The following SUMF1 variants were observed in gnomAD, a reference collection of about 807,000 sequenced individuals.
The protein encoded by SUMF1 is sulfatase modifying factor 1.
In SUMF1, 48 loss-of-function variants were observed where a neutral mutation model predicts 47.6. The observed-to-expected ratio is 1.01, with a 90% CI of 0.80 to 1.28. The LOEUF (loss-of-function observed/expected upper bound fraction) is 1.28, where lower values mean the gene tolerates loss of function less well. Among genes scored for constraint, SUMF1 ranks in the 50% most tolerant of loss-of-function variants. SUMF1 has a pLI of 0.00. For missense variants in SUMF1, 571 were observed against 485.4 expected, an observed-to-expected ratio of 1.18 and a Z score of -1.66; for synonymous variants, 230 against 192.1, an observed-to-expected ratio of 1.20 and a Z score of -1.63.
At position 4,417,409 on chromosome 3, in the gene SUMF1, T is replaced by C. The variant is rs564253162; in HGVS notation, c.726-167A>G. Among the ~76,000 whole-genome samples, 7 of 152,304 alleles carry C rather than the reference T, an allele frequency of 4.6e-5. No homozygotes were observed. In the South Asian group the frequency reaches 1.0e-3, roughly 23 times the overall value. ...GCTTTTAATCAGGATTTATTTTCAA[T>C]TTCCTTATAACTTCTCATGTCACGT... On this transcript the variant is annotated intron_variant, in intron 5 of 8. Coordinates refer to ENST00000272902, the MANE Select transcript of SUMF1 (RefSeq NM_182760.4).
At chr3:4,257,372 A>G (rs1696979378) in intron 8 of SUMF1, among the ~76,000 whole-genome samples, 1 of 143,908 alleles carries the variant, frequency 6.9e-6, no homozygotes, top group Non-Finnish European at 1.5e-5. Flanking sequence ...CCATTGTCTC[A>G]GCCCAAAATC....
chr3:4,173,883 T>TG (rs1694894593), intron 8 of SUMF1, among the ~76,000 whole-genome samples: 1 of 151,488 alleles, frequency 6.6e-6, no homozygotes, highest in African/African-American at 2.4e-5. Context: ...CTGTCGGAGG[T>TG]GGGGTGCTAG....
intron 8 of SUMF1, among the ~76,000 whole-genome samples, chr3:4,338,521 T>C (rs1248552931): frequency 2.6e-5 from 4 of 152,170 alleles, no homozygotes; most frequent in Non-Finnish European, 5.9e-5. Flanking sequence ...AAGAATCTAG[T>C]ACATGCTAAG....
chr3:4,286,251 G>C (rs906231190), intron 8 of SUMF1, among the ~76,000 whole-genome samples: 1 of 151,800 alleles, frequency 6.6e-6, no homozygotes, highest in African/African-American at 2.4e-5. Flanking sequence ...CAAATTATCA[G>C]AATAAAAATA....
chr3:4,387,918 T>C (rs1050800873), intron 7 of SUMF1, among the ~76,000 whole-genome samples: 16 of 152,108 alleles, frequency 1.1e-4, no homozygotes, highest in African/African-American at 3.9e-4. Flanking sequence ...TTTGATTCTA[T>C]TGTGGTTGGA....
intron 8 of SUMF1, chr3:4,303,534 C>T: frequency 2.2e-6 from 3 of 1,370,692 alleles, no homozygotes; most frequent in East Asian, 3.1e-5. Flanking sequence ...CAGGTAGGGG[C>T]GGGGCCAGGC....
intron 3 of SUMF1, among the ~76,000 whole-genome samples, chr3:4,425,840 G>A (rs78434109): frequency 0.12 from 18,483 of 152,214 alleles, 1,380 homozygotes; most frequent in South Asian, 0.17. Context: ...CAATCATGGC[G>A]TGGTGGAAGG....
At chr3:4,152,434 C>G (rs1170679729) in intron 8 of SUMF1, among the ~76,000 whole-genome samples, 2 of 151,170 alleles carry the variant, frequency 1.3e-5, no homozygotes, top group Non-Finnish European at 2.9e-5. Context: ...ACTACAGGCA[C>G]AGGCCCCAAC....
chr3:4,254,632 G>C (rs1209057642), intron 8 of SUMF1, among the ~76,000 whole-genome samples: 2 of 129,804 alleles, frequency 1.5e-5, no homozygotes, highest in African/African-American at 5.4e-5. Flanking sequence ...CCAAATCTAC[G>C]TCTGATTGGT....
chr3:4,176,554 G>C (rs977803871), intron 8 of SUMF1, among the ~76,000 whole-genome samples: 1 of 152,134 alleles, frequency 6.6e-6, no homozygotes, highest in Non-Finnish European at 1.5e-5. Flanking sequence ...AACATGGAAA[G>C]GAACAACCAG....
rs2125133416 is a variant in SUMF1 at position 4,452,861 on chromosome 3, C to T, written c.444+15G>A. ...GAAAAGAACAAGTTCTCCCTCCTTTCCCCAATCCCATTACCTCTGTCAAAT... is the reference window on the plus strand; with the variant it reads ...GAAAAGAACAAGTTCTCCCTCCTTTTCCCAATCCCATTACCTCTGTCAAAT... On this transcript the variant is annotated intron_variant, in intron 2 of 8. Transcript: ENST00000272902. 1.2e-6 allele frequency: 2 copies of T among 1,614,086 alleles called. No individual in the cohort carries two copies. The highest frequency in any genetic ancestry group is 8.5e-7 in the Non-Finnish European group (1 of 1,180,016).
intron 8 of SUMF1, among the ~76,000 whole-genome samples, chr3:4,261,290 T>C (rs1200780427): frequency 6.6e-6 from 1 of 152,168 alleles, no homozygotes; most frequent in East Asian, 1.9e-4. Flanking sequence ...TGGGACTTAC[T>C]TGAACAGTAA....
chr3:4,363,514 G>C (rs903391015), intron 8 of SUMF1, among the ~76,000 whole-genome samples: 4 of 151,456 alleles, frequency 2.6e-5, no homozygotes, highest in Middle Eastern at 6.8e-3. Flanking sequence ...TCATGATTTG[G>C]CTCTCTGTTT....
At chr3:4,129,742 T>C (rs1245823909) in intron 8 of SUMF1, among the ~76,000 whole-genome samples, 1 of 152,148 alleles carries the variant, frequency 6.6e-6, no homozygotes, top group Non-Finnish European at 1.5e-5. Context: ...CTGACGCTGA[T>C]TCCAGGGGAA....
At chr3:4,070,790 C>G (rs1353156006) in intron 8 of SUMF1, among the ~76,000 whole-genome samples, 1 of 151,946 alleles carries the variant, frequency 6.6e-6, no homozygotes, top group East Asian at 1.9e-4. Context: ...TGCCTGCTAC[C>G]ACGCCTAATT....
chr3:4,308,294 G>A (rs1358530592), intron 8 of SUMF1, among the ~76,000 whole-genome samples: 2 of 152,138 alleles, frequency 1.3e-5, no homozygotes, highest in Non-Finnish European at 2.9e-5. Context: ...ACCCTACTAT[G>A]CACTACCTGC....
intron 3 of SUMF1, among the ~76,000 whole-genome samples, chr3:4,444,547 G>C (rs770399758): frequency 7.2e-5 from 11 of 152,198 alleles, no homozygotes; most frequent in Non-Finnish European, 1.3e-4. Context: ...CCTATTCTCA[G>C]TAATTACACT....
At chr3:4,148,168 A>G (rs1187613826) in intron 8 of SUMF1, among the ~76,000 whole-genome samples, 2 of 152,192 alleles carry the variant, frequency 1.3e-5, no homozygotes, top group African/African-American at 4.8e-5. Flanking sequence ...TGAATGCAGA[A>G]TTAAATTTCA....
At chr3:4,034,622 A>C (rs186647998) in intron 9 of SUMF1, among the ~76,000 whole-genome samples, 1 of 152,218 alleles carries the variant, frequency 6.6e-6, no homozygotes, top group African/African-American at 2.4e-5. Flanking sequence ...CCCTTTGTAG[A>C]GACTTACATG....
Sources: gnomAD v4.1 joint callset for allele counts (sites outside exome capture counted in the v4.1 genomes callset) on GRCh38, gnomAD v4.1.1 for gene constraint, MANE v1.5 for transcripts, NCBI Gene and HGNC (gene_info 2026-07-23, HGNC 2026-07-21) for gene names.